UGGT2: variants seen among roughly 807,000 people sequenced by gnomAD.
UGGT2 encodes the protein UDP-glucose glycoprotein glucosyltransferase 2.
UGGT2 carries 180 observed loss-of-function variants against 192.1 expected under a neutral mutation model. The ratio of observed to expected loss-of-function variants is 0.94; its 90% CI spans 0.83 to 1.06. UGGT2 has a LOEUF of 1.06. UGGT2 is among the 50% of genes least tolerant of loss of function. The pLI is 0.00. For synonymous variants in UGGT2, 580 were observed against 591.0 expected (o/e 0.98, Z 0.27); for missense variants, 1,849 against 1,795.7 (o/e 1.03, Z -0.54).
At chr13:95,872,668 G>C (rs1891321445) in intron 29 of UGGT2, among the ~76,000 whole-genome samples, 1 of 152,082 alleles carries the variant, frequency 6.6e-6, no homozygotes, top group Non-Finnish European at 1.5e-5. Context: ...AAACAAGTTT[G>C]TAAGTTATTT....
rs148389354 is a variant in UGGT2 at position 95,909,747 on chromosome 13, TATAATAATAATA to T, written c.2296-6699_2296-6688del. On this transcript the variant is annotated intron_variant, in intron 20 of 38. Coordinates refer to ENST00000376747, the MANE Select transcript of UGGT2 (RefSeq NM_020121.4). The stretch of plus-strand genomic sequence containing the variant: ...TGCACATGTACCCTAAAACTTGAAG[TATAATAATAATA>T]ATAATAATAATAATAATAATAAAAA... Among the ~76,000 whole-genome samples the T allele has an allele frequency of 4.6e-5, 5 of 109,392 alleles. No homozygotes were observed. In the East Asian group the frequency reaches 1.1e-3, roughly 24 times the overall value. 71.8% of individuals were successfully genotyped at this position (109,392 alleles called of 152,430 possible).
chr13:95,962,282 GAA>G (rs898787517), intron 12 of UGGT2, among the ~76,000 whole-genome samples: 7 of 151,964 alleles, frequency 4.6e-5, no homozygotes, highest in Admixed American at 2.6e-4. Context: ...TCAACAAAAT[GAA>G]AAGTTTGTTT....
chr13:96,006,996 G>C (rs1441775333), intron 5 of UGGT2, among the ~76,000 whole-genome samples: 1 of 152,084 alleles, frequency 6.6e-6, no homozygotes, highest in Non-Finnish European at 1.5e-5. Flanking sequence ...AACAAAAAAA[G>C]AAAACTATAT....
Position 95,972,663 on chromosome 13 carries a change from T to C in UGGT2, c.1101A>G (p.Gln367=), listed in dbSNP as rs1410177100. 3.7e-6 allele frequency: 6 copies of C among 1,613,032 alleles called. No individual in the cohort carries two copies. The highest frequency in any genetic ancestry group is 2.2e-5 in the East Asian group (1 of 44,786). The change falls in exon 11 of 39, where the codon CAA becomes CAG. Residue 367 remains glutamine, a synonymous_variant. Coordinates refer to ENST00000376747, the MANE Select transcript of UGGT2 (RefSeq NM_020121.4). ...EEIKENQKDL[Q]VRFKIQPGDA... ...CGCCTGGCTGAATTTTAAATCTAAC[T>C]TGAAGATCCTTGAAGTAGAGCAAAG... is the stretch of plus-strand genomic sequence containing the variant.
intron 1 of UGGT2, among the ~76,000 whole-genome samples, chr13:96,045,245 T>A (rs2053275011): frequency 6.6e-6 from 1 of 152,112 alleles, no homozygotes; most frequent in Non-Finnish European, 1.5e-5. Flanking sequence ...TACATGATCA[T>A]CTCAATAGAC....
At chr13:95,827,284 T>C (rs1886146468) in intron 38 of UGGT2, among the ~76,000 whole-genome samples, 1 of 152,184 alleles carries the variant, frequency 6.6e-6, no homozygotes, top group South Asian at 2.1e-4. Context: ...TTCTAACTTC[T>C]GGTATCTCCA....
At chr13:95,926,761 A>G in intron 19 of UGGT2, among the ~76,000 whole-genome samples, 1 of 152,336 alleles carries the variant, frequency 6.6e-6, no homozygotes, top group East Asian at 1.9e-4. Flanking sequence ...AAGATAGTTT[A>G]CATAGTACTG....
chr13:95,830,139 T>A (rs954583154), intron 38 of UGGT2, among the ~76,000 whole-genome samples: 1 of 152,158 alleles, frequency 6.6e-6, no homozygotes, highest in African/African-American at 2.4e-5. Flanking sequence ...TCAAGATGGA[T>A]TAAAGACTTA....
At chr13:95,924,872 T>G (rs1295175918) in intron 20 of UGGT2, among the ~76,000 whole-genome samples, 1 of 152,204 alleles carries the variant, frequency 6.6e-6, no homozygotes, top group Non-Finnish European at 1.5e-5. Context: ...CCTGCTCCAG[T>G]GAAGCCTTCG....
At chr13:96,036,702 G>C (rs2053013615) in intron 1 of UGGT2, among the ~76,000 whole-genome samples, 1 of 152,126 alleles carries the variant, frequency 6.6e-6, no homozygotes, top group South Asian at 2.1e-4. Context: ...AAACATCCTT[G>C]AGACCATCTA....
chr13:95,939,883 A>G (rs1378500674), intron 16 of UGGT2, 74 bp downstream of exon 16: 1 of 1,243,986 alleles, frequency 8.0e-7, no homozygotes, highest in African/African-American at 1.6e-5. Flanking sequence ...TAAAGATTCT[A>G]CATGAGTAGA....
At chr13:96,048,456 T>A (rs1240063063) in intron 1 of UGGT2, among the ~76,000 whole-genome samples, 1 of 152,048 alleles carries the variant, frequency 6.6e-6, no homozygotes, top group South Asian at 2.1e-4. Context: ...ATTCAAAAGC[T>A]AGCAGAAGGC....
intron 38 of UGGT2, among the ~76,000 whole-genome samples, chr13:95,811,215 TAG>T (rs1326270703): frequency 1.3e-5 from 2 of 152,160 alleles, no homozygotes; most frequent in African/African-American, 4.8e-5. Context: ...TGGTTAAACA[TAG>T]AGTTACCATA....
At chr13:95,870,366 T>C (rs1891113763) in intron 29 of UGGT2, among the ~76,000 whole-genome samples, 1 of 152,220 alleles carries the variant, frequency 6.6e-6, no homozygotes, top group South Asian at 2.1e-4. Flanking sequence ...GCTAAACAGA[T>C]AGATACATTT....
chr13:96,019,132 G>A (rs918068456), intron 4 of UGGT2, among the ~76,000 whole-genome samples: 7 of 127,680 alleles, frequency 5.5e-5, no homozygotes, highest in African/African-American at 1.4e-4. Context: ...CGGGGGGGGG[G>A]GGGGGGAATG....
chr13:95,823,712 C>G (rs1182379721), intron 38 of UGGT2, among the ~76,000 whole-genome samples: 2 of 152,018 alleles, frequency 1.3e-5, no homozygotes, highest in African/African-American at 4.8e-5. Flanking sequence ...TAAATTCATT[C>G]TGCCATTCTA....
Position 96,023,750 on chromosome 13 carries a change from T to G in UGGT2, c.251A>C (p.Tyr84Ser). The G allele has an allele frequency of 6.3e-7, 1 of 1,594,802 alleles. No homozygotes were observed. Among genetic ancestry groups the G allele is most frequent in the Non-Finnish European group, 8.6e-7 (1 of 1,168,036 alleles). Residue 84 changes from tyrosine to serine, a missense_variant, in exon 3 of 39, where the codon TAT becomes TCT. Physicochemically the swap from Tyr to Ser is moderately radical, Grantham distance 144. Coordinates refer to ENST00000376747, the MANE Select transcript of UGGT2 (RefSeq NM_020121.4). ...CTTCAGGATTAAGTTGTAATAAGAATAATCTGATTCTATAAAAAGAAGTCA... is the reference window on the plus strand; with the variant it reads ...CTTCAGGATTAAGTTGTAATAAGAAGAATCTGATTCTATAAAAAGAAGTCA... Reference protein sequence around the residue: ...LAIYKQTESDYSYYNLILKKA... With the variant: ...LAIYKQTESDSSYYNLILKKA...
intron 26 of UGGT2, among the ~76,000 whole-genome samples, chr13:95,885,378 G>C (rs1221936195): frequency 6.6e-6 from 1 of 152,216 alleles, no homozygotes; most frequent in Non-Finnish European, 1.5e-5. Flanking sequence ...CCCAAGGGCT[G>C]TCTGAATGAG....
intron 1 of UGGT2, among the ~76,000 whole-genome samples, chr13:96,052,361 T>C (rs190712934): frequency 8.4e-4 from 128 of 152,114 alleles, no homozygotes; most frequent in Non-Finnish European, 1.5e-3. Context: ...ACAAATTGGG[T>C]GCAGTGTATA....
Sources: gnomAD v4.1 joint callset for allele counts (sites outside exome capture counted in the v4.1 genomes callset) on GRCh38, gnomAD v4.1.1 for gene constraint, MANE v1.5 for transcripts, NCBI Gene and HGNC (gene_info 2026-07-23, HGNC 2026-07-21) for gene names.